The following CAB39 variants were observed in gnomAD, a reference collection of about 807,000 sequenced individuals.
CAB39 encodes calcium binding protein 39, also known as calcium-binding protein 39.
A neutral mutation model predicts 40.0 loss-of-function variants in CAB39; 8 were observed. The observed-to-expected ratio is 0.20, with a 90% CI of 0.12 to 0.36. The LOEUF (loss-of-function observed/expected upper bound fraction) is 0.36. Among genes scored for constraint, CAB39 ranks in the 10% least tolerant of loss-of-function variants. The pLI, the probability that CAB39 is intolerant of heterozygous loss-of-function variation, is 1.00. For synonymous variants in CAB39, 156 were observed against 141.6 expected (o/e 1.10, Z -0.72); for missense variants, 270 against 401.1 (o/e 0.67, Z 2.79).
intron 1 of CAB39, among the ~76,000 whole-genome samples, chr2:230,747,127 G>T (rs1694990819): frequency 1.3e-5 from 2 of 152,222 alleles, no homozygotes; most frequent in South Asian, 4.1e-4. Context: ...GCCGAGGCAG[G>T]TGCAGGAGAA....
chr2:230,754,329 CTT>C (rs1695144113), intron 1 of CAB39, among the ~76,000 whole-genome samples: 1 of 101,768 alleles, frequency 9.8e-6, no homozygotes, highest in African/African-American at 9.7e-5. Context: ...CTTCTTCCTT[CTT>C]CTTCCTTCCT....
intron 1 of CAB39, among the ~76,000 whole-genome samples, chr2:230,758,959 T>G (rs1343643373): frequency 6.6e-6 from 1 of 152,220 alleles, no homozygotes; most frequent in Non-Finnish European, 1.5e-5. Context: ...TTGTTAACTT[T>G]GTTTCTTCAT....
chr2:230,786,163 C>CAAAAAAAA (rs369510604), intron 2 of CAB39, among the ~76,000 whole-genome samples: 18 of 72,748 alleles, frequency 2.5e-4, no homozygotes, highest in African/African-American at 7.1e-4. Context: ...GACTCTGTCT[C>CAAAAAAAA]AAAAAAAAAA....
intron 1 of CAB39, among the ~76,000 whole-genome samples, chr2:230,751,833 A>T (rs1053301702): frequency 6.6e-6 from 1 of 152,172 alleles, no homozygotes; most frequent in African/African-American, 2.4e-5. Context: ...TAAAAAGGAG[A>T]ATATATGCCA....
chr2:230,728,455 G>T (rs1033899355), intron 1 of CAB39, among the ~76,000 whole-genome samples: 1 of 151,810 alleles, frequency 6.6e-6, no homozygotes, highest in Non-Finnish European at 1.5e-5. Flanking sequence ...GATTACAGGG[G>T]TGAGCCACCA....
In CAB39 at chr2:230,816,246, C is replaced by T. The variant is rs550483500; in HGVS notation, c.694-1508C>T. The stretch of plus-strand genomic sequence containing the variant: ...CAAGATTGTGCCACTGCACTCCAGC[C>T]TTTGTGACAGAGTGAGACTATCTCA... On this transcript the variant is annotated intron_variant, in intron 7 of 8. Transcript: ENST00000258418. Among the ~76,000 whole-genome samples, 8 of 152,266 alleles carry T rather than the reference C, an allele frequency of 5.3e-5. No individual in the cohort carries two copies. The South Asian group carries it at 1.5e-3, about 28-fold the overall frequency.
intron 2 of CAB39, chr2:230,778,922 T>G (rs935187482): frequency 1.8e-4 from 28 of 152,286 alleles, no homozygotes; most frequent in Admixed American, 4.6e-4. Context: ...GGACCACAGT[T>G]GTCTCTGTGG....
chr2:230,796,451 A>G (rs1427369668), intron 4 of CAB39, among the ~76,000 whole-genome samples: 1 of 152,124 alleles, frequency 6.6e-6, no homozygotes, highest in Non-Finnish European at 1.5e-5. Flanking sequence ...TTATGGTTTA[A>G]TCGTTTAGAC....
intron 2 of CAB39, among the ~76,000 whole-genome samples, chr2:230,769,319 G>GT (rs1205942213): frequency 6.6e-6 from 1 of 152,188 alleles, no homozygotes; most frequent in Non-Finnish European, 1.5e-5. Context: ...GGAGATTTCA[G>GT]TACCCCACTA....
chr2:230,798,691 C>A (rs773263869), intron 4 of CAB39, 38 bp from the exon 5 acceptor site: 8 of 1,543,614 alleles, frequency 5.2e-6, no homozygotes, highest in South Asian at 1.2e-5. Context: ...AAAAAGCAAT[C>A]ATGTTTGGTT....
intron 1 of CAB39, among the ~76,000 whole-genome samples, chr2:230,718,666 G>A (rs1161521799): frequency 6.6e-6 from 1 of 152,190 alleles, no homozygotes; most frequent in Non-Finnish European, 1.5e-5. Context: ...CCGTGTATCA[G>A]ATGCCTAGAC....
intron 1 of CAB39, among the ~76,000 whole-genome samples, chr2:230,740,839 T>G (rs1694864031): frequency 6.6e-6 from 1 of 152,224 alleles, no homozygotes. Flanking sequence ...TGCAGTAGTA[T>G]ACAATGGTTG....
intron 7 of CAB39, among the ~76,000 whole-genome samples, chr2:230,815,761 A>T (rs1166720668): frequency 6.6e-6 from 1 of 152,206 alleles, no homozygotes; most frequent in Non-Finnish European, 1.5e-5. Context: ...TTAGGAATGG[A>T]TATAAAGCAA....
chr2:230,750,600 T>G (rs1695068737), intron 1 of CAB39, among the ~76,000 whole-genome samples: 1 of 152,188 alleles, frequency 6.6e-6, no homozygotes, highest in Admixed American at 6.5e-5. Context: ...CATATGTAGT[T>G]CTCAATTTTG....
chr2:230,803,495 AT>A (rs1696130239), intron 5 of CAB39, among the ~76,000 whole-genome samples: 1 of 152,228 alleles, frequency 6.6e-6, no homozygotes, highest in Non-Finnish European at 1.5e-5. Context: ...ATGATTGTAT[AT>A]TTAGAAAACC....
chr2:230,805,390 A>C (rs766180939), intron 5 of CAB39, among the ~76,000 whole-genome samples: 1 of 152,150 alleles, frequency 6.6e-6, no homozygotes, highest in Non-Finnish European at 1.5e-5. Context: ...CCTAGAACTT[A>C]AAGTATAATT....
intron 1 of CAB39, among the ~76,000 whole-genome samples, chr2:230,730,426 A>T (rs545793707): frequency 6.7e-6 from 1 of 148,852 alleles, no homozygotes; most frequent in East Asian, 2.0e-4. Context: ...TAAAAACTAT[A>T]CATTAGAAGA....
At chr2:230,715,552 C>T (rs900599194) in intron 1 of CAB39, among the ~76,000 whole-genome samples, 49 of 152,156 alleles carry the variant, frequency 3.2e-4, no homozygotes, top group Admixed American at 2.9e-3. Context: ...CTCCCCACTT[C>T]GCTCCTGAAA....
At chr2:230,818,036 C>G in intron 8 of CAB39, 139 bp downstream of exon 8, 1 of 761,868 alleles carries the variant, frequency 1.3e-6, no homozygotes, top group South Asian at 1.9e-5. Flanking sequence ...TATTTGTGTG[C>G]TATGACTTTT....
Sources: gnomAD v4.1 joint callset for allele counts (sites outside exome capture counted in the v4.1 genomes callset) on GRCh38, gnomAD v4.1.1 for gene constraint, MANE v1.5 for transcripts, NCBI Gene and HGNC (gene_info 2026-07-23, HGNC 2026-07-21) for gene names.